HDAC9: variants seen among roughly 807,000 people sequenced by gnomAD.
HDAC9 encodes the protein MEF-2 interacting transcription repressor (MITR) protein.
A neutral mutation model predicts 139.4 loss-of-function variants in HDAC9; 41 were observed. The observed-to-expected ratio is 0.29, with a 90% CI of 0.23 to 0.38. HDAC9 has a LOEUF of 0.38. Ranked by LOEUF, HDAC9 falls within the 10% of genes least tolerant of loss-of-function variation. The pLI is 1.00. For missense variants in HDAC9, 1,147 were observed against 1,297.0 expected, an observed-to-expected ratio of 0.88 and a Z score of 1.78; for synonymous variants, 517 against 476.2, an observed-to-expected ratio of 1.09 and a Z score of -1.12.
intron 17 of HDAC9, among the ~76,000 whole-genome samples, chr7:18,823,036 T>C (rs937568116): frequency 1.3e-5 from 2 of 152,162 alleles, no homozygotes; most frequent in Admixed American, 6.5e-5. Flanking sequence ...CTGATGGAAA[T>C]AACCCAATAA....
At chr7:18,289,427 A>C (rs623532), upstream of HDAC9, among the ~76,000 whole-genome samples, 1 of 152,044 alleles carries the variant, frequency 6.6e-6, no homozygotes, top group South Asian at 2.1e-4. Flanking sequence ...AGTTTCCTCA[A>C]CCTGCCTCAG....
intron 5 of HDAC9, 34 bp from the exon 6 acceptor site, chr7:18,593,874 C>G: frequency 6.2e-7 from 1 of 1,610,590 alleles, no homozygotes; most frequent in Non-Finnish European, 8.5e-7. Context: ...TAAAAACTAC[C>G]AAGTAAATAG....
rs80092727 is a variant in HDAC9, at chr7:18,466,900, T to C, written c.-41-29362T>C. On this transcript the variant is annotated intron_variant, in intron 1 of 3. Transcript: ENST00000413509. ...TTCAGGGAAACCTTATTCTTCTCAA[T>C]CTCCTTATTTCTACCATTTATAATT... is the stretch of plus-strand genomic sequence containing the variant. Among the ~76,000 whole-genome samples, 14 of 152,336 alleles carry C rather than the reference T, an allele frequency of 9.2e-5. No homozygotes were observed. The East Asian group carries it at 2.7e-3, about 29-fold the overall frequency.
intron 12 of HDAC9, chr7:18,667,804 C>A (rs546582024): frequency 1.0e-6 from 1 of 984,770 alleles, no homozygotes; most frequent in East Asian, 1.1e-4. Context: ...GAAATTGTTA[C>A]GGAAGCTTTT....
intron 1 of HDAC9, among the ~76,000 whole-genome samples, chr7:18,390,488 C>T (rs1786373144): frequency 6.6e-6 from 1 of 152,124 alleles, no homozygotes; most frequent in Admixed American, 6.5e-5. Flanking sequence ...ACATCCTAGA[C>T]CAGGCCACTT....
At chr7:18,396,472 A>G (rs2128729005) in intron 1 of HDAC9, among the ~76,000 whole-genome samples, 1 of 152,200 alleles carries the variant, frequency 6.6e-6, no homozygotes. Flanking sequence ...CTTGGAAGCA[A>G]AGAGGAGTTG....
chr7:18,346,048 C>G (rs545788737), intron 1 of HDAC9, among the ~76,000 whole-genome samples: 87 of 152,074 alleles, frequency 5.7e-4, no homozygotes, highest in African/African-American at 1.8e-3. Flanking sequence ...TAGACCAATG[C>G]TAATTTAGAA....
chr7:18,652,336 G>A (rs1789548253), intron 11 of HDAC9, among the ~76,000 whole-genome samples: 1 of 151,868 alleles, frequency 6.6e-6, no homozygotes, highest in South Asian at 2.1e-4. Context: ...AAGTAATAAG[G>A]TATTGGTAAT....
rs932815786 is a variant in HDAC9, at chr7:18,456,521, A to C, written c.-41-39741A>C. On this transcript the variant is annotated intron_variant, in intron 1 of 3. Coordinates refer to the HDAC9 transcript ENST00000413509. ...AAGTGCTGGGATTACAGGTGGTAGC[A>C]ACCAAGCCCAGCCCACCTTTAGTTT... Among the ~76,000 whole-genome samples, 4 of 152,228 alleles carry C rather than the reference A, an allele frequency of 2.6e-5. No homozygotes were observed. In the East Asian group the frequency reaches 7.7e-4, roughly 29 times the overall value.
chr7:18,627,079 C>A (rs1584318034), intron 6 of HDAC9, among the ~76,000 whole-genome samples: 1 of 152,182 alleles, frequency 6.6e-6, no homozygotes, highest in Non-Finnish European at 1.5e-5. Flanking sequence ...TCTCAGGTAT[C>A]TAATTGGAAA....
intron 2 of HDAC9, among the ~76,000 whole-genome samples, chr7:18,264,152 T>C (rs962458062): frequency 6.6e-6 from 1 of 152,070 alleles, no homozygotes; most frequent in African/African-American, 2.4e-5. Context: ...CACAAGGAAA[T>C]AGAAGACATG....
intron 2 of HDAC9, among the ~76,000 whole-genome samples, chr7:18,504,508 T>C (rs928486716): frequency 1.3e-5 from 2 of 152,234 alleles, no homozygotes; most frequent in African/African-American, 4.8e-5. Context: ...TTTCGCCATA[T>C]TGGCCAGGCT....
intron 1 of HDAC9, among the ~76,000 whole-genome samples, chr7:18,462,325 A>T (rs908677319): frequency 3.9e-5 from 6 of 152,014 alleles, no homozygotes; most frequent in African/African-American, 1.4e-4. Flanking sequence ...TTATAAAATT[A>T]CTCAGACACT....
intron 12 of HDAC9, among the ~76,000 whole-genome samples, chr7:18,713,476 T>C (rs1236666154): frequency 6.6e-6 from 1 of 152,196 alleles, no homozygotes; most frequent in Non-Finnish European, 1.5e-5. Context: ...TTCCGCAATG[T>C]ATACACAGAT....
upstream of HDAC9, chr7:18,290,016 C>T (rs1293986053): frequency 1.3e-5 from 2 of 154,724 alleles, no homozygotes; most frequent in African/African-American, 4.8e-5. Context: ...AATCATTTAT[C>T]AACAAATGAA....
At chr7:18,271,077 A>G (rs1331124825) in intron 2 of HDAC9, among the ~76,000 whole-genome samples, 1 of 152,220 alleles carries the variant, frequency 6.6e-6, no homozygotes, top group Non-Finnish European at 1.5e-5. Context: ...AATTTCTACA[A>G]AGTTTGTCTG....
At chr7:18,455,919 A>G (rs1283303833) in intron 1 of HDAC9, among the ~76,000 whole-genome samples, 1 of 152,198 alleles carries the variant, frequency 6.6e-6, no homozygotes, top group Non-Finnish European at 1.5e-5. Context: ...TAACCAGAAA[A>G]CATTGAAACC....
intron 22 of HDAC9, among the ~76,000 whole-genome samples, chr7:18,883,731 A>G (rs1227262091): frequency 1.3e-5 from 2 of 152,138 alleles, no homozygotes; most frequent in African/African-American, 4.8e-5. Flanking sequence ...CCAAATTGGA[A>G]AGGGAGAAGT....
At position 18,989,819 on chromosome 7, in the gene HDAC9, G is replaced by A. The variant is rs1315077168; in HGVS notation, c.3171-6204G>A. ...TTCATTGATTTCATCTTCCATTGCT[G>A]ATACCCTTTCTTCCAGTTGATCGCA... On this transcript the variant is annotated intron_variant, in intron 25 of 25. Coordinates refer to ENST00000686413, the MANE Select transcript of HDAC9 (RefSeq NM_178425.4). Among the ~76,000 whole-genome samples the A allele has an allele frequency of 1.1e-4, 15 of 131,166 alleles. No homozygotes were observed. In the South Asian group the frequency reaches 2.5e-3, roughly 22 times the overall value. The allele number at this position is 131,166 out of a possible 152,430, so 86.0% of individuals were successfully genotyped here. A position where few individuals can be genotyped will look rare whatever the true frequency, so the allele number is the denominator to read the frequency against.
Sources: gnomAD v4.1 joint callset for allele counts (sites outside exome capture counted in the v4.1 genomes callset) on GRCh38, gnomAD v4.1.1 for gene constraint, MANE v1.5 for transcripts, NCBI Gene and HGNC (gene_info 2026-07-23, HGNC 2026-07-21) for gene names.